PRKACA: variants seen among roughly 807,000 people sequenced by gnomAD.
PRKACA encodes the protein protein kinase cAMP-activated catalytic subunit alpha.
A neutral mutation model predicts 45.8 loss-of-function variants in PRKACA; 9 were observed. The observed-to-expected ratio is 0.20, with a 90% CI of 0.12 to 0.34. The LOEUF (loss-of-function observed/expected upper bound fraction) is 0.34, where lower values mean the gene tolerates loss of function less well. Ranked by LOEUF, PRKACA falls within the 10% of genes least tolerant of loss-of-function variation. PRKACA has a pLI of 1.00. For synonymous variants in PRKACA, 160 were observed against 178.6 expected (o/e 0.90, Z 0.83); for missense variants, 238 against 458.6 (o/e 0.52, Z 4.39).
At chr19:14,098,867 A>G (rs1977352366) in intron 5 of PRKACA, among the ~76,000 whole-genome samples, 1 of 152,088 alleles carries the variant, frequency 6.6e-6, no homozygotes, top group East Asian at 1.9e-4. Flanking sequence ...GGTGATAGAA[A>G]AGTTCCATAT....
Position 14,095,744 on chromosome 19 carries a change from C to A in PRKACA, c.765+1617G>T, listed in dbSNP as rs1034798622. Among the ~76,000 whole-genome samples, 9 of 152,136 alleles carry A rather than the reference C, an allele frequency of 5.9e-5. 1 individual carries two copies. The highest frequency in any genetic ancestry group is 2.2e-4 in the African/African-American group (9 of 41,500). On this transcript the variant is annotated intron_variant, in intron 8 of 9. Transcript: ENST00000308677. ...TGTTAGCCAGGCTGGTCTTGAACTC[C>A]TGACCTCGTGATCCACCTGCCTTGG...
At chr19:14,095,077 C>G (rs1977204910) in intron 8 of PRKACA, among the ~76,000 whole-genome samples, 1 of 152,170 alleles carries the variant, frequency 6.6e-6, no homozygotes, top group Non-Finnish European at 1.5e-5. Context: ...CTAGAAAATG[C>G]TACAAAGAAG....
chr19:14,093,662 G>A lies in PRKACA; in HGVS notation c.896C>T (p.Ala299Val). The part of the protein sequence containing the change: ...VNDIKNHKWF[A>V]TTDWIAIYQR... The stretch of plus-strand genomic sequence containing the variant: ...GTAGATGGCAATCCAGTCAGTTGTG[G>A]CAAACCACTTGTGGTTCTTGATATC... Residue 299 changes from alanine (A) to valine (V), a missense_variant, in exon 9 of 10, where the codon GCC (alanine) becomes GTC (valine). By Grantham distance (64) the Ala-to-Val change is moderately conservative. Transcript: ENST00000308677. The A allele has an allele frequency of 1.2e-6, 2 of 1,614,090 alleles. No individual in the cohort carries two copies. Among genetic ancestry groups the A allele is most frequent in the Non-Finnish European group, 1.7e-6 (2 of 1,179,990 alleles).
At chr19:14,104,874 A>AAAAAC (rs554353174) in intron 3 of PRKACA, among the ~76,000 whole-genome samples, 39 of 152,186 alleles carry the variant, frequency 2.6e-4, no homozygotes, top group Non-Finnish European at 3.4e-4. Flanking sequence ...ACTCCATCTC[A>AAAAAC]AAAACAAAAC....
Position 14,097,072 on chromosome 19 carries a change from A to G in PRKACA, c.765+289T>C. 2.3e-6 allele frequency: 1 copy of G among 442,170 alleles called. No homozygotes were observed. The highest frequency in any genetic ancestry group is 4.2e-6 in the Non-Finnish European group (1 of 237,380). 27.4% of individuals were successfully genotyped at this position (442,170 alleles called of 1,614,324 possible). A position where few individuals can be genotyped will look rare whatever the true frequency, so the allele number is the denominator to read the frequency against. On this transcript the variant is annotated intron_variant, in intron 8 of 9. Transcript: ENST00000308677. The surrounding 1 kb of genome is among the most constrained non-coding windows in gnomAD (Gnocchi z 5.4). ...CACACTAACTGGGATGAGGAGCGAA[A>G]AGGAGGGTCGTCTGGCAGGGCGGTT...
chr19:14,113,721 C>T (rs1197565155), intron 1 of PRKACA, among the ~76,000 whole-genome samples: 4 of 152,140 alleles, frequency 2.6e-5, no homozygotes, highest in Non-Finnish European at 5.9e-5. Context: ...CTGGCTGATT[C>T]CTCCAGTGGA....
intron 1 of PRKACA, among the ~76,000 whole-genome samples, chr19:14,117,294 A>T (rs981667222): frequency 4.0e-5 from 6 of 149,506 alleles, no homozygotes; most frequent in African/African-American, 1.2e-4. Flanking sequence ...CGGTCTTTGC[A>T]GCATGGGGCG....
chr19:14,107,732 G>A (rs752756840), intron 1 of PRKACA: 27 of 1,099,832 alleles, frequency 2.5e-5, no homozygotes, highest in African/African-American at 1.8e-4. Context: ...GGCCAGGGCC[G>A]ACGCCAGCCG....
At chr19:14,102,084 A>T (rs1977457978) in intron 4 of PRKACA, among the ~76,000 whole-genome samples, 1 of 152,134 alleles carries the variant, frequency 6.6e-6, no homozygotes, top group Non-Finnish European at 1.5e-5. Context: ...GAATTGCTTG[A>T]ACCCAGGAGG....
In PRKACA at chr19:14,097,505, C is replaced by T. The variant is rs1165961823; in HGVS notation, c.643-22G>A. ...AGCCCTGGAGCAAGATGGGGGGGCACAGGGTGAGGAGGAGGCGAGAGCAGG... is the reference window on the plus strand; with the variant it reads ...AGCCCTGGAGCAAGATGGGGGGGCATAGGGTGAGGAGGAGGCGAGAGCAGG... On this transcript the variant is annotated intron_variant, in intron 7 of 9. Transcript: ENST00000308677. This position sits in a 1 kb window ranked among gnomAD's most constrained non-coding sequence, Gnocchi z 5.4. The T allele has an allele frequency of 6.2e-7, 1 of 1,613,894 alleles. No individual in the cohort carries two copies. Among genetic ancestry groups the T allele is most frequent in the South Asian group, 1.1e-5 (1 of 91,074 alleles).
At chr19:14,115,917 T>C (rs1967096468) in intron 1 of PRKACA, among the ~76,000 whole-genome samples, 1 of 152,076 alleles carries the variant, frequency 6.6e-6, no homozygotes, top group African/African-American at 2.4e-5. Flanking sequence ...CAGACCTTTT[T>C]TGGACACTAC....
chr19:14,107,672 C>T, intron 1 of PRKACA: 1 of 1,302,896 alleles, frequency 7.7e-7, no homozygotes, highest in South Asian at 1.8e-5. Context: ...GGGAGGTGCC[C>T]AGGCAGACCA....
chr19:14,111,154 T>C (rs893086677), intron 1 of PRKACA, among the ~76,000 whole-genome samples: 1 of 152,060 alleles, frequency 6.6e-6, no homozygotes, highest in African/African-American at 2.4e-5. Context: ...TCCCAGCACT[T>C]TGGGAGGCTG....
chr19:14,107,007 C>A, intron 2 of PRKACA, 119 bp from the exon 3 acceptor site: 1 of 1,329,724 alleles, frequency 7.5e-7, no homozygotes, highest in Non-Finnish European at 1.0e-6. Flanking sequence ...GTGGGGTCAG[C>A]GGGGTGAGGA....
chr19:14,102,974 C>T (rs1977491055), intron 3 of PRKACA, 60 bp from the exon 4 acceptor site: 2 of 1,340,892 alleles, frequency 1.5e-6, no homozygotes, highest in Admixed American at 1.7e-5. Context: ...CCTCATTTCC[C>T]CTAATGCCTG....
rs1977112710 is a variant in PRKACA, at chr19:14,092,625, C to T, written c.*487G>A. The stretch of plus-strand genomic sequence containing the variant: ...CCACTGAACATGTCACTAAAAATCT[C>T]TCCTTCCCAGGCAGGATTACTCCGA... On this transcript the variant is annotated 3_prime_UTR_variant, in exon 10 of 10. Transcript: ENST00000308677. 1 of 398,750 alleles carries T rather than the reference C, an allele frequency of 2.5e-6. No individual in the cohort carries two copies. Among genetic ancestry groups the T allele is most frequent in the Admixed American group, 4.4e-5 (1 of 22,762 alleles). The allele number at this position is 398,750 out of a possible 1,614,324, so 24.7% of individuals were successfully genotyped here.
intron 5 of PRKACA, among the ~76,000 whole-genome samples, chr19:14,099,983 G>A (rs1977395100): frequency 6.6e-6 from 1 of 152,008 alleles, no homozygotes; most frequent in South Asian, 2.1e-4. Flanking sequence ...TGGGACTATA[G>A]GCGCCCGCCA....
At chr19:14,096,061 CAG>C (rs1188081571) in intron 8 of PRKACA, among the ~76,000 whole-genome samples, 3 of 116,274 alleles carry the variant, frequency 2.6e-5, no homozygotes, top group Non-Finnish European at 5.0e-5. Context: ...TTTTTTGAGA[CAG>C]AGTCCTGCCC....
intron 1 of PRKACA, chr19:14,107,988 C>T (rs974153191): frequency 7.1e-6 from 7 of 985,910 alleles, no homozygotes; most frequent in African/African-American, 7.0e-5. Context: ...TGAACATCAC[C>T]GCCTGGCTAA....
Sources: gnomAD v4.1 joint callset for allele counts (sites outside exome capture counted in the v4.1 genomes callset) on GRCh38, gnomAD v4.1.1 for gene constraint, Gnocchi (gnomAD v3.1) non-coding constraint, MANE v1.5 for transcripts, NCBI Gene and HGNC (gene_info 2026-07-23, HGNC 2026-07-21) for gene names.